BNIP3: variants seen among roughly 807,000 people sequenced by gnomAD.
BNIP3 encodes the protein BCL2 interacting protein 3.
Under a neutral mutation model 23.9 loss-of-function variants are expected in BNIP3, and 16 were observed. That is an observed-to-expected ratio of 0.67 (90% confidence interval 0.45 to 1.01). The LOEUF is 1.01. BNIP3 is among the 50% of genes least tolerant of loss of function. The probability of loss-of-function intolerance (pLI) is 0.00; values close to 1 mark genes in which losing one functional copy is unlikely to be tolerated. For missense variants in BNIP3, 198 were observed against 248.7 expected (o/e 0.80, Z 1.37); for synonymous variants, 81 against 89.3 (o/e 0.91, Z 0.53).
chr10:131,967,878 C>T lies in BNIP3; in HGVS notation c.*646G>A, dbSNP rs557365163. On this transcript the variant is annotated 3_prime_UTR_variant, in exon 6 of 6. Transcript: ENST00000368636. ...TGCCTTCAGCAGAAAACTGATCATC[C>T]AGGGTGATCACCTAATAATCGGAGA... 6.6e-6 allele frequency: 1 copy of T among 152,216 alleles called. No individual in the cohort carries two copies. Among genetic ancestry groups the T allele is most frequent in the African/African-American group, 2.4e-5 (1 of 41,440 alleles). The allele number at this position is 152,216 out of a possible 1,614,324, so 9.4% of individuals were successfully genotyped here.
At position 131,978,167 on chromosome 10, in the gene BNIP3, C is replaced by T. The variant is rs529850958; in HGVS notation, c.46+3594G>A. Among the ~76,000 whole-genome samples the T allele has an allele frequency of 3.3e-5, 5 of 152,112 alleles. No homozygotes were observed. In the South Asian group the frequency reaches 1.0e-3, roughly 32 times the overall value. ...TCTCATTTCGCGTCCCTCTCATGTT[C>T]CTCCCCCTCCTCACTCACTTATAAT... On this transcript the variant is annotated intron_variant, in intron 1 of 5. Transcript: ENST00000368636.
chr10:131,974,313 T>TA (rs1161306297), intron 1 of BNIP3, among the ~76,000 whole-genome samples: 3 of 152,198 alleles, frequency 2.0e-5, no homozygotes, highest in East Asian at 3.9e-4. Context: ...AAGAGGTCTT[T>TA]AAAAAAAACA....
chr10:131,977,652 C>A (rs2037090335), intron 1 of BNIP3, among the ~76,000 whole-genome samples: 1 of 152,116 alleles, frequency 6.6e-6, no homozygotes, highest in Admixed American at 6.5e-5. Flanking sequence ...AGAGAGGAGC[C>A]CCTATGGCCG....
Position 131,968,665 on chromosome 10 carries a change from T to C in BNIP3, c.540-96A>G, listed in dbSNP as rs1221993724. On this transcript the variant is annotated intron_variant, in intron 5 of 5. Coordinates refer to ENST00000368636, the MANE Select transcript of BNIP3 (RefSeq NM_004052.4). Reference sequence around the variant, plus strand: ...GGTAGCTCACTGTGGTTAGAGCTTATGCAAGGGGACTGGTGATTTTATACC... The same window carrying C: ...GGTAGCTCACTGTGGTTAGAGCTTACGCAAGGGGACTGGTGATTTTATACC... 2.9e-5 allele frequency: 31 copies of C among 1,082,184 alleles called. No homozygotes were observed. In the East Asian group the frequency reaches 7.0e-4, roughly 24 times the overall value. The allele number at this position is 1,082,184 out of a possible 1,614,324, so 67.0% of individuals were successfully genotyped here.
chr10:131,980,657 C>CTT (rs1687855039), intron 1 of BNIP3: 1 of 150,074 alleles, frequency 6.7e-6, no homozygotes, highest in Non-Finnish European at 1.5e-5. Flanking sequence ...ATTACGGTAA[C>CTT]TAAGTCCTGC....
Position 131,970,597 on chromosome 10 carries a change from A to C in BNIP3, c.539+41T>G, listed in dbSNP as rs745585162. ...AATCACTGCAACCCAGAATCGCCCCACGACATGCCATGACAGGAGTCACAC... is the reference window on the plus strand; with the variant it reads ...AATCACTGCAACCCAGAATCGCCCCCCGACATGCCATGACAGGAGTCACAC... On this transcript the variant is annotated intron_variant, in intron 5 of 5. Coordinates refer to ENST00000368636, the MANE Select transcript of BNIP3 (RefSeq NM_004052.4). This position sits in a 1 kb window ranked among gnomAD's most constrained non-coding sequence, Gnocchi z 4.1. 5 of 1,604,628 alleles carry C rather than the reference A, an allele frequency of 3.1e-6. No homozygotes were observed. The highest frequency in any genetic ancestry group is 3.4e-6 in the Non-Finnish European group (4 of 1,174,820).
chr10:131,975,802 C>A (rs187640210), intron 1 of BNIP3, among the ~76,000 whole-genome samples: 1 of 152,152 alleles, frequency 6.6e-6, no homozygotes, highest in Non-Finnish European at 1.5e-5. Context: ...TTCAAATGAA[C>A]GCATGATTGT....
At chr10:131,974,599 C>T (rs968218448) in intron 1 of BNIP3, among the ~76,000 whole-genome samples, 39 of 152,284 alleles carry the variant, frequency 2.6e-4, no homozygotes, top group African/African-American at 8.7e-4. Flanking sequence ...AGGCTAGTCT[C>T]GAACTTCTGG....
chr10:131,980,753 T>G (rs1397309361), intron 1 of BNIP3: 3 of 152,192 alleles, frequency 2.0e-5, no homozygotes, highest in Non-Finnish European at 2.9e-5. Context: ...CAATGAAGAT[T>G]AAAAGTTCAC....
chr10:131,972,378 CA>C (rs1299223876), intron 3 of BNIP3, among the ~76,000 whole-genome samples: 1 of 151,722 alleles, frequency 6.6e-6, no homozygotes, highest in African/African-American at 2.4e-5. Flanking sequence ...CCCGTCTCTA[CA>C]AAAAAAACTT....
In BNIP3 at chr10:131,981,847, G is replaced by C; in HGVS notation, c.-41C>G. On this transcript the variant is annotated 5_prime_UTR_variant, in exon 1 of 6. Transcript: ENST00000368636. The stretch of plus-strand genomic sequence containing the variant: ...CTGCGGCGATCGGAGTCCGCGCCGG[G>C]CTGCGGGATGTGCTTCAGCTGCGGG... 7.0e-7 allele frequency: 1 copy of C among 1,419,798 alleles called. No individual in the cohort carries two copies. Among genetic ancestry groups the C allele is most frequent in the Non-Finnish European group, 9.2e-7 (1 of 1,092,698 alleles). 88.0% of individuals were successfully genotyped at this position (1,419,798 alleles called of 1,614,324 possible). A position where few individuals can be genotyped will look rare whatever the true frequency, so the allele number is the denominator to read the frequency against.
chr10:131,978,899 T>C (rs189795180), intron 1 of BNIP3, among the ~76,000 whole-genome samples: 113 of 133,184 alleles, frequency 8.5e-4, no homozygotes, highest in African/African-American at 2.8e-3. Flanking sequence ...GAAATTGCTG[T>C]TTTACCTTTA....
intron 3 of BNIP3, 50 bp from the exon 4 acceptor site, chr10:131,971,020 G>A (rs762564244): frequency 5.8e-5 from 89 of 1,546,920 alleles, no homozygotes; most frequent in Non-Finnish European, 6.6e-5. Context: ...CACGTGACAC[G>A]GGAAAGCACC....
At chr10:131,980,578 T>TA (rs1364424165) in intron 1 of BNIP3, 3,265 of 131,606 alleles carry the variant, frequency 0.025, 125 homozygotes, top group African/African-American at 0.08. Flanking sequence ...CCCCGTCTCT[T>TA]AAAAAAAAAA....
intron 2 of BNIP3, chr10:131,973,582 G>T: frequency 1.6e-6 from 1 of 618,496 alleles, no homozygotes; most frequent in Non-Finnish European, 2.7e-6. Context: ...CTTGAACATG[G>T]CTCCCCACAG....
chr10:131,974,021 G>A, intron 1 of BNIP3, 78 bp from the exon 2 acceptor site: 2 of 1,567,740 alleles, frequency 1.3e-6, no homozygotes, highest in Non-Finnish European at 1.7e-6. Flanking sequence ...TAACCAGCCT[G>A]CCCTTCCATT....
In BNIP3 at chr10:131,973,286, A is replaced by G. The variant is rs2037054960; in HGVS notation, c.198-168T>C. ...ACCTGCCAGAGCCAAACTCTTCCTC[A>G]GCCCTTTTGGCTGAGCACGACAGGA... On this transcript the variant is annotated intron_variant, in intron 2 of 5. Coordinates refer to ENST00000368636, the MANE Select transcript of BNIP3 (RefSeq NM_004052.4). 3 of 651,794 alleles carry G rather than the reference A, an allele frequency of 4.6e-6. No individual in the cohort carries two copies. The Admixed American group carries it at 8.3e-5, about 18-fold the overall frequency. The allele number at this position is 651,794 out of a possible 1,614,324, so 40.4% of individuals were successfully genotyped here. A position where few individuals can be genotyped will look rare whatever the true frequency, so the allele number is the denominator to read the frequency against.
At chr10:131,981,428 G>C (rs903564383) in intron 1 of BNIP3, 5 of 385,098 alleles carry the variant, frequency 1.3e-5, no homozygotes, top group African/African-American at 2.1e-5. Context: ...AGGCTGTTCG[G>C]TCCAACTGCG....
intron 1 of BNIP3, chr10:131,981,085 T>TA (rs1373673877): frequency 6.6e-6 from 1 of 152,174 alleles, no homozygotes; most frequent in Non-Finnish European, 1.5e-5. Context: ...AGCGAGCCTC[T>TA]ACTCGGGCAT....
Sources: allele counts gnomAD v4.1 joint callset (sites outside exome capture counted in the v4.1 genomes callset), GRCh38; gene constraint gnomAD v4.1.1; non-coding constraint Gnocchi (gnomAD v3.1); transcripts MANE v1.5; gene names NCBI Gene and HGNC (gene_info 2026-07-23, HGNC 2026-07-21).